NLRC4: variants seen among roughly 807,000 people sequenced by gnomAD.
NLRC4 encodes NLR family CARD domain-containing protein 4.
Under a neutral mutation model 79.9 loss-of-function variants are expected in NLRC4, and 63 were observed. The observed-to-expected ratio is 0.79, with a 90% confidence interval of 0.64 to 0.97. NLRC4 has a LOEUF of 0.97. NLRC4 is among the 50% of genes least tolerant of loss of function. The pLI, the probability that NLRC4 is intolerant of heterozygous loss-of-function variation, is 0.00. For synonymous variants in NLRC4, 461 were observed against 456.5 expected (o/e 1.01, Z -0.12); for missense variants, 1,074 against 1,215.2 (o/e 0.88, Z 1.73).
Position 32,249,760 on chromosome 2 carries a change from C to G in NLRC4, c.2104G>C (p.Gly702Arg). 1 of 1,614,176 alleles carries G rather than the reference C, an allele frequency of 6.2e-7. No homozygotes were observed. Among genetic ancestry groups the G allele is most frequent in the Non-Finnish European group, 8.5e-7 (1 of 1,180,024 alleles). ...GTGCTGAGGACCAAACTGAGGCTTC[C>G]AGCCACACCAGCACATCTCTTTATT... The part of the protein sequence containing the change: ...LQIKRCAGVA[G>R]SLSLVLSTCK... Residue 702 changes from glycine (G) to arginine (R), a missense_variant, in exon 4 of 9, where the codon GGA (glycine) becomes CGA (arginine). By Grantham distance (125) the Gly-to-Arg change is moderately radical. Coordinates refer to ENST00000402280, the MANE Select transcript of NLRC4 (RefSeq NM_001199138.2).
In NLRC4 at chr2:32,250,075, CAAAT is replaced by C. The variant is rs1249443602; in HGVS notation, c.1785_1788del (p.Phe596ThrfsTer76). ...CAATTGGGCAAATGTTCAAAGAAGT[CAAAT>C]AAGTAATCGGGGATGTTCCCTGAGT... On this transcript the variant is annotated frameshift_variant, in exon 4 of 9. Coordinates refer to ENST00000402280, the MANE Select transcript of NLRC4 (RefSeq NM_001199138.2). LOFTEE classifies it high-confidence loss of function. This position sits in a 1 kb window ranked among gnomAD's most constrained non-coding sequence, Gnocchi z 4.9. 1 of 1,614,024 alleles carries C rather than the reference CAAAT, an allele frequency of 6.2e-7. No individual in the cohort carries two copies. The highest frequency in any genetic ancestry group is 8.5e-7 in the Non-Finnish European group (1 of 1,180,022).
At position 32,251,282 on chromosome 2, in the gene NLRC4, C is replaced by A; in HGVS notation, c.582G>T (p.Leu194=). The A allele has an allele frequency of 6.2e-7, 1 of 1,614,110 alleles. No homozygotes were observed. The highest frequency in any genetic ancestry group is 1.1e-5 in the South Asian group (1 of 91,066). Residue 194 remains leucine, a synonymous_variant, in exon 4 of 9, where the codon CTG becomes CTT. Transcript: ENST00000402280. ...MLWGSGKCKA[L]TKFKFVFFLR... Reference sequence around the variant, plus strand: ...GGAAGAAGACGAATTTGAACTTGGTCAGAGCCTTGCACTTTCCGGAGCCCC... The same window carrying A: ...GGAAGAAGACGAATTTGAACTTGGTAAGAGCCTTGCACTTTCCGGAGCCCC...
At chr2:32,247,539 C>T (rs976058070) in intron 4 of NLRC4, among the ~76,000 whole-genome samples, 3 of 151,484 alleles carry the variant, frequency 2.0e-5, no homozygotes, top group Admixed American at 6.6e-5. Flanking sequence ...GTCTTGAACT[C>T]CCAACCTCAG....
At chr2:32,241,593 T>A (rs1442342718) in intron 4 of NLRC4, among the ~76,000 whole-genome samples, 1 of 152,070 alleles carries the variant, frequency 6.6e-6, no homozygotes, top group African/African-American at 2.4e-5. Context: ...TTAGCCAGGA[T>A]GGTCTCAATC....
At chr2:32,226,682 AC>A (rs1285935163) in intron 8 of NLRC4, among the ~76,000 whole-genome samples, 2 of 152,170 alleles carry the variant, frequency 1.3e-5, no homozygotes, top group Non-Finnish European at 1.5e-5. Context: ...GGAGTTTGAG[AC>A]CAGCCTGACC....
intron 3 of NLRC4, 84 bp from the exon 4 acceptor site, chr2:32,251,685 G>A: frequency 2.2e-6 from 2 of 917,008 alleles, no homozygotes; most frequent in Admixed American, 2.3e-5. Context: ...ACGGGGGGGT[G>A]AGGCTGAGAA....
intron 8 of NLRC4, among the ~76,000 whole-genome samples, chr2:32,231,572 T>TGCCGGGGGGG (rs757448591): frequency 5.2e-4 from 31 of 59,446 alleles, no homozygotes; most frequent in Non-Finnish European, 5.7e-4. Flanking sequence ...TATTTTTTTT[T>TGCCGGGGGGG]GTGGGGGGGG....
rs903884823 is a variant in NLRC4 at position 32,251,898 on chromosome 2, G to C, written c.263-297C>G. On this transcript the variant is annotated intron_variant, in intron 3 of 8. Transcript: ENST00000402280. ...TAAGGAAAGTAAAGAATTTGGCAGA[G>C]AAAGATGGTTAGGGATAATTGTCAT... Among the ~76,000 whole-genome samples the C allele has an allele frequency of 2.0e-5, 3 of 152,180 alleles. No individual in the cohort carries two copies. In the East Asian group the frequency reaches 5.8e-4, roughly 29 times the overall value.
At chr2:32,262,039 C>A (rs1307337971) in intron 1 of NLRC4, among the ~76,000 whole-genome samples, 2 of 152,020 alleles carry the variant, frequency 1.3e-5, no homozygotes, top group East Asian at 1.9e-4. Flanking sequence ...CGAGATTGCG[C>A]CACTGCACTC....
chr2:32,263,621 C>T (rs191106395), intron 1 of NLRC4, among the ~76,000 whole-genome samples: 6 of 152,114 alleles, frequency 3.9e-5, no homozygotes, highest in East Asian at 1.9e-4. Context: ...AAGAGGAAAT[C>T]GGGACACACA....
chr2:32,256,805 A>G lies in NLRC4; in HGVS notation c.-30T>C, dbSNP rs1367659807. Reference sequence around the variant, plus strand: ...CTGGATGAAAGCTTCCCACCTTTCTATAACACAATAGAAAATATTATTTCC... The same window carrying G: ...CTGGATGAAAGCTTCCCACCTTTCTGTAACACAATAGAAAATATTATTTCC... On this transcript the variant is annotated 5_prime_UTR_variant, in exon 2 of 9. Coordinates refer to ENST00000402280, the MANE Select transcript of NLRC4 (RefSeq NM_001199138.2). 4 of 780,702 alleles carry G rather than the reference A, an allele frequency of 5.1e-6. No individual in the cohort carries two copies. Among genetic ancestry groups the G allele is most frequent in the South Asian group, 1.3e-5 (1 of 74,588 alleles). 48.4% of individuals were successfully genotyped at this position (780,702 alleles called of 1,614,324 possible). A position where few individuals can be genotyped will look rare whatever the true frequency, so the allele number is the denominator to read the frequency against.
At chr2:32,231,369 C>T (rs1346165682) in intron 8 of NLRC4, among the ~76,000 whole-genome samples, 1 of 151,022 alleles carries the variant, frequency 6.6e-6, no homozygotes, top group East Asian at 1.9e-4. Flanking sequence ...ATTGGCCAGG[C>T]TGGTCTCGAA....
At position 32,252,512 on chromosome 2, in the gene NLRC4, T is replaced by C. The variant is rs1432841980; in HGVS notation, c.169A>G (p.Met57Val). ...EQDAARGIIHMILKKGSESCN... is the reference protein window; with the variant it reads ...EQDAARGIIHVILKKGSESCN... ...GACTCTGAACCCTTTTTCAAAATCA[T>C]GTGAATGATCCCTCTAGCAGCATCC... Residue 57 changes from methionine (M) to valine (V), a missense_variant, in exon 3 of 9, where the codon ATG (methionine) becomes GTG (valine). Met to Val is a conservative substitution (Grantham distance 21). Transcript: ENST00000402280. 1.2e-6 allele frequency: 2 copies of C among 1,614,066 alleles called. No individual in the cohort carries two copies. Among genetic ancestry groups the C allele is most frequent in the South Asian group, 1.1e-5 (1 of 91,090 alleles).
chr2:32,245,479 G>C (rs1686913869), intron 4 of NLRC4, among the ~76,000 whole-genome samples: 2 of 152,012 alleles, frequency 1.3e-5, no homozygotes, highest in South Asian at 4.1e-4. Flanking sequence ...GGCTGGGAAG[G>C]GTAGTAGGGA....
At chr2:32,235,591 C>T (rs777217638) in intron 7 of NLRC4, 23 bp from the exon 8 acceptor site, 31 of 1,606,084 alleles carry the variant, frequency 1.9e-5, no homozygotes, top group Non-Finnish European at 2.6e-5. Flanking sequence ...AAGAGCAGTT[C>T]AGGGACTGGA....
intron 4 of NLRC4, among the ~76,000 whole-genome samples, chr2:32,241,832 G>A (rs796755689): frequency 1.3e-5 from 2 of 152,044 alleles, no homozygotes; most frequent in African/African-American, 4.8e-5. Context: ...TCCTCACAAA[G>A]GGGTGAAAAG....
chr2:32,241,929 C>G (rs898981804), intron 4 of NLRC4, among the ~76,000 whole-genome samples: 9 of 151,914 alleles, frequency 5.9e-5, no homozygotes, highest in African/African-American at 1.9e-4. Context: ...GGCCTCAAAT[C>G]AACAACCTAG....
intron 5 of NLRC4, 100 bp downstream of exon 5, chr2:32,240,933 C>T (rs957689750): frequency 8.4e-6 from 6 of 712,596 alleles, no homozygotes; most frequent in Non-Finnish European, 1.5e-5. Context: ...TACATAAAAA[C>T]ATCCTTGCCT....
intron 8 of NLRC4, among the ~76,000 whole-genome samples, chr2:32,231,269 C>G (rs1251394040): frequency 6.6e-6 from 1 of 152,158 alleles, no homozygotes; most frequent in African/African-American, 2.4e-5. Context: ...ATTCTTCTGC[C>G]TCAGCCTCCA....
Sources: allele counts gnomAD v4.1 joint callset (sites outside exome capture counted in the v4.1 genomes callset), GRCh38; gene constraint gnomAD v4.1.1; non-coding constraint Gnocchi (gnomAD v3.1); transcripts MANE v1.5; gene names NCBI Gene and HGNC (gene_info 2026-07-23, HGNC 2026-07-21).